The following DLGAP1 variants were observed in gnomAD, a reference collection of about 807,000 sequenced individuals.
The protein encoded by DLGAP1 is DLG associated protein 1.
DLGAP1 carries 11 observed loss-of-function variants against 90.8 expected under a neutral mutation model. The observed-to-expected ratio is 0.12, with a 90% CI of 0.08 to 0.20. The LOEUF is 0.20. Ranked by LOEUF, DLGAP1 falls within the 10% of genes least tolerant of loss-of-function variation. The pLI, the probability that DLGAP1 is intolerant of heterozygous loss-of-function variation, is 1.00. For missense variants in DLGAP1, 1,050 were observed against 1,333.8 expected (o/e 0.79, Z 3.31); for synonymous variants, 558 against 540.7 (o/e 1.03, Z -0.44).
rs2054357500 is a variant in DLGAP1 at position 3,565,189 on chromosome 18, C to A, written c.2057+2301G>T. The stretch of plus-strand genomic sequence containing the variant: ...TTTTAAGACAGAGTCTGCTCTGCCA[C>A]CCAGGCTGGAGCGCAATGGCGTCAT... On this transcript the variant is annotated intron_variant, in intron 9 of 12. Coordinates refer to ENST00000315677, the MANE Select transcript of DLGAP1 (RefSeq NM_004746.4). This position sits in a 1 kb window ranked among gnomAD's most constrained non-coding sequence, Gnocchi z 4.0. 6.6e-6 allele frequency among the ~76,000 whole-genome samples: 1 copy of A among 152,110 alleles called. No individual in the cohort carries two copies. Among genetic ancestry groups the A allele is most frequent in the Non-Finnish European group, 1.5e-5 (1 of 68,038 alleles).
At chr18:4,393,441 A>G (rs2082377868) in intron 1 of DLGAP1, among the ~76,000 whole-genome samples, 1 of 151,948 alleles carries the variant, frequency 6.6e-6, no homozygotes, top group Non-Finnish European at 1.5e-5. Flanking sequence ...CTCTACCTCT[A>G]ATTTTTCAGA....
In DLGAP1 at chr18:3,858,976, G is replaced by A. The variant is rs139811671; in HGVS notation, c.957+20136C>T. Among the ~76,000 whole-genome samples the A allele has an allele frequency of 9.5e-3, 1,442 of 152,260 alleles. 11 individuals are homozygous for A. The highest frequency in any genetic ancestry group is 0.014 in the Non-Finnish European group (952 of 68,002). Reference sequence around the variant, plus strand: ...CTTCAGAGCTTTTTCCATACATGAGGTTATAAGTATATTTTAAGTGAGATG... The same window carrying A: ...CTTCAGAGCTTTTTCCATACATGAGATTATAAGTATATTTTAAGTGAGATG... On this transcript the variant is annotated intron_variant, in intron 4 of 12. Transcript: ENST00000315677.
intron 2 of DLGAP1, among the ~76,000 whole-genome samples, chr18:4,101,468 T>C (rs1489313126): frequency 6.6e-6 from 1 of 152,098 alleles, no homozygotes; most frequent in African/African-American, 2.4e-5. Context: ...CATGAAAAAG[T>C]TGAAAATATA....
rs191802497 is a variant in DLGAP1, at chr18:3,535,783, G to A, written c.2058-1168C>T. Among the ~76,000 whole-genome samples, 543 of 152,110 alleles carry A rather than the reference G, an allele frequency of 3.6e-3. 3 individuals carry two copies. Among genetic ancestry groups the A allele is most frequent in the African/African-American group, 0.012 (518 of 41,490 alleles). ...GCAGTGGCTCACGCTTGTAATCCCA[G>A]CACTTTGGGAGGCCGAGGCGGGCAG... On this transcript the variant is annotated intron_variant, in intron 9 of 12. Coordinates refer to ENST00000315677, the MANE Select transcript of DLGAP1 (RefSeq NM_004746.4).
intron 1 of DLGAP1, among the ~76,000 whole-genome samples, chr18:4,190,721 G>C (rs550132387): frequency 6.6e-6 from 1 of 152,094 alleles, no homozygotes; most frequent in South Asian, 2.1e-4. Flanking sequence ...ATATAGTTTT[G>C]CTTGCTTAAC....
At chr18:3,548,329 A>AT (rs2053179439) in intron 9 of DLGAP1, among the ~76,000 whole-genome samples, 1 of 152,152 alleles carries the variant, frequency 6.6e-6, no homozygotes, top group South Asian at 2.1e-4. Flanking sequence ...AAAATGAAAA[A>AT]TTTTTTAACA....
intron 1 of DLGAP1, among the ~76,000 whole-genome samples, chr18:4,365,150 C>T (rs1468933401): frequency 6.6e-6 from 1 of 152,070 alleles, no homozygotes; most frequent in Non-Finnish European, 1.5e-5. Context: ...TTATTTCAAC[C>T]TGAATGAAAA....
intron 1 of DLGAP1, among the ~76,000 whole-genome samples, chr18:4,384,092 T>C (rs1162297641): frequency 6.6e-6 from 1 of 152,104 alleles, no homozygotes; most frequent in African/African-American, 2.4e-5. Context: ...ACTCCTAAAT[T>C]GAGTGCTAAT....
chr18:4,348,677 G>A (rs2081349519), intron 1 of DLGAP1, among the ~76,000 whole-genome samples: 1 of 152,062 alleles, frequency 6.6e-6, no homozygotes, highest in Admixed American at 6.6e-5. Flanking sequence ...AGCAAGATGA[G>A]CCCGCAAGAT....
rs186727083 is a variant in DLGAP1, at chr18:3,828,410, C to T, written c.958-14137G>A. On this transcript the variant is annotated intron_variant, in intron 4 of 12. Coordinates refer to ENST00000315677, the MANE Select transcript of DLGAP1 (RefSeq NM_004746.4). ...ATCCCAACACGTTGGGAGGCTGAGGCGGGAGGCTTGCTTGAGCCCAGGTGT... is the reference window on the plus strand; with the variant it reads ...ATCCCAACACGTTGGGAGGCTGAGGTGGGAGGCTTGCTTGAGCCCAGGTGT... 1.1e-4 allele frequency among the ~76,000 whole-genome samples: 16 copies of T among 152,116 alleles called. No individual in the cohort carries two copies. The East Asian group carries it at 1.2e-3, about 11-fold the overall frequency.
At chr18:3,949,155 T>C (rs1486134478) in intron 3 of DLGAP1, among the ~76,000 whole-genome samples, 1 of 152,212 alleles carries the variant, frequency 6.6e-6, no homozygotes, top group Non-Finnish European at 1.5e-5. Flanking sequence ...GCTGGCTCTG[T>C]GTCATACATC....
chr18:3,886,923 A>G (rs1167872792), intron 3 of DLGAP1, among the ~76,000 whole-genome samples: 22 of 152,192 alleles, frequency 1.4e-4, no homozygotes, highest in Admixed American at 1.4e-3. Flanking sequence ...GGCTGGGTGA[A>G]TAGTGATCTT....
At chr18:3,752,473 T>C (rs1026481859) in intron 5 of DLGAP1, among the ~76,000 whole-genome samples, 1 of 151,898 alleles carries the variant, frequency 6.6e-6, no homozygotes, top group Non-Finnish European at 1.5e-5. Flanking sequence ...ATCTGTCTTC[T>C]TTAACTTAGC....
intron 2 of DLGAP1, among the ~76,000 whole-genome samples, chr18:4,014,799 T>G (rs1416949289): frequency 1.3e-5 from 2 of 152,220 alleles, no homozygotes; most frequent in Non-Finnish European, 2.9e-5. Context: ...CCTCATTTTC[T>G]GGCACCCAGT....
intron 2 of DLGAP1, among the ~76,000 whole-genome samples, chr18:4,049,024 C>T (rs567682538): frequency 1.8e-4 from 27 of 152,102 alleles, no homozygotes; most frequent in African/African-American, 5.8e-4. Context: ...GTCAGCAGTT[C>T]GAGACCAGGC....
chr18:3,523,646 G>C (rs919802997), intron 10 of DLGAP1, among the ~76,000 whole-genome samples: 1 of 151,848 alleles, frequency 6.6e-6, no homozygotes, highest in East Asian at 2.0e-4. Flanking sequence ...AGGAGATCGA[G>C]ACCATCCTGG....
chr18:4,163,386 A>G (rs1598516887), intron 1 of DLGAP1, among the ~76,000 whole-genome samples: 1 of 152,236 alleles, frequency 6.6e-6, no homozygotes, highest in Non-Finnish European at 1.5e-5. Context: ...TGTACGCACT[A>G]CTATTCTTTA....
chr18:4,198,890 C>T (rs2077554293), intron 1 of DLGAP1, among the ~76,000 whole-genome samples: 1 of 152,168 alleles, frequency 6.6e-6, no homozygotes, highest in Non-Finnish European at 1.5e-5. Flanking sequence ...CAGTGGGAGG[C>T]AAATGCCACA....
At chr18:4,054,568 T>TTC (rs555894919) in intron 2 of DLGAP1, among the ~76,000 whole-genome samples, 114 of 152,332 alleles carry the variant, frequency 7.5e-4, no homozygotes, top group Non-Finnish European at 1.4e-3. Flanking sequence ...CACGTTGGTG[T>TTC]AAGTATTAAG....
Sources: allele counts gnomAD v4.1 joint callset (sites outside exome capture counted in the v4.1 genomes callset), GRCh38; gene constraint gnomAD v4.1.1; non-coding constraint Gnocchi (gnomAD v3.1); transcripts MANE v1.5; gene names NCBI Gene and HGNC (gene_info 2026-07-23, HGNC 2026-07-21).